CNTNAP2: variants seen among roughly 807,000 people sequenced by gnomAD.
CNTNAP2 encodes the protein contactin-associated protein-like 2.
A neutral mutation model predicts 155.2 loss-of-function variants in CNTNAP2; 98 were observed. The observed-to-expected ratio is 0.63, with a 90% CI of 0.54 to 0.75. The LOEUF (loss-of-function observed/expected upper bound fraction) is 0.75. Ranked by LOEUF, CNTNAP2 falls within the 30% of genes least tolerant of loss-of-function variation. The pLI, the probability that CNTNAP2 is intolerant of heterozygous loss-of-function variation, is 0.00. For synonymous variants in CNTNAP2, 651 were observed against 631.2 expected (o/e 1.03, Z -0.47); for missense variants, 1,727 against 1,688.1 (o/e 1.02, Z -0.40).
At chr7:146,882,812 C>A (rs758603693) in intron 3 of CNTNAP2, among the ~76,000 whole-genome samples, 1 of 152,070 alleles carries the variant, frequency 6.6e-6, no homozygotes, top group Non-Finnish European at 1.5e-5. Flanking sequence ...GAATGCGATA[C>A]CTTTTACAAT....
At chr7:147,806,009 A>G (rs113597530) in intron 13 of CNTNAP2, among the ~76,000 whole-genome samples, 77 of 152,342 alleles carry the variant, frequency 5.1e-4, no homozygotes, top group Middle Eastern at 3.4e-3. Flanking sequence ...GTAGGATTAC[A>G]TCAAGCTAAA....
chr7:146,804,348 A>T (rs1343984040), intron 2 of CNTNAP2, among the ~76,000 whole-genome samples: 1 of 152,190 alleles, frequency 6.6e-6, no homozygotes, highest in South Asian at 2.1e-4. Flanking sequence ...TTATTCTGTC[A>T]TCAGGATTCC....
chr7:146,712,517 A>C (rs1227817763), intron 1 of CNTNAP2, among the ~76,000 whole-genome samples: 1 of 150,948 alleles, frequency 6.6e-6, no homozygotes, highest in Non-Finnish European at 1.5e-5. Context: ...AAAGCAGTGA[A>C]AACAGTTGAA....
At chr7:147,530,249 G>A (rs1043834213) in intron 11 of CNTNAP2, among the ~76,000 whole-genome samples, 48 of 148,646 alleles carry the variant, frequency 3.2e-4, no homozygotes, top group African/African-American at 9.9e-4. Flanking sequence ...GCAGTGGCAC[G>A]ATCTCAGCTC....
intron 3 of CNTNAP2, among the ~76,000 whole-genome samples, chr7:146,959,753 A>G (rs1163555515): frequency 2.6e-5 from 4 of 151,856 alleles, no homozygotes; most frequent in Non-Finnish European, 2.9e-5. Context: ...AAGAATACGA[A>G]CTGCAATCAC....
At chr7:148,030,150 T>C (rs1288678983) in intron 15 of CNTNAP2, among the ~76,000 whole-genome samples, 12 of 152,194 alleles carry the variant, frequency 7.9e-5, no homozygotes. Context: ...CCCAGTTAAA[T>C]TACCAAGTGC....
chr7:146,991,018 T>C (rs1238623953), intron 3 of CNTNAP2, among the ~76,000 whole-genome samples: 1 of 152,070 alleles, frequency 6.6e-6, no homozygotes, highest in Non-Finnish European at 1.5e-5. Flanking sequence ...TTATATCCTA[T>C]AGGCAAATTT....
At chr7:147,321,732 T>C (rs2116821431) in intron 9 of CNTNAP2, among the ~76,000 whole-genome samples, 1 of 152,308 alleles carries the variant, frequency 6.6e-6, no homozygotes, top group East Asian at 1.9e-4. Context: ...CAGTTGACAA[T>C]ATAACCAAAT....
At chr7:146,188,657 A>G (rs544069953) in intron 1 of CNTNAP2, among the ~76,000 whole-genome samples, 26 of 152,190 alleles carry the variant, frequency 1.7e-4, no homozygotes, top group Non-Finnish European at 2.2e-4. Context: ...TTAATATGAG[A>G]CATAAAATTA....
chr7:147,093,701 A>G (rs1800463571), intron 4 of CNTNAP2, among the ~76,000 whole-genome samples: 1 of 152,128 alleles, frequency 6.6e-6, no homozygotes, highest in African/African-American at 2.4e-5. Context: ...GTCTTAATTC[A>G]TTTCAACATC....
intron 13 of CNTNAP2, among the ~76,000 whole-genome samples, chr7:147,747,662 G>A (rs944839637): frequency 6.6e-6 from 1 of 152,136 alleles, no homozygotes; most frequent in African/African-American, 2.4e-5. Context: ...AGTTTTTTGA[G>A]AAACTTCCAT....
At chr7:147,834,713 A>G (rs1798607247) in intron 13 of CNTNAP2, among the ~76,000 whole-genome samples, 1 of 152,138 alleles carries the variant, frequency 6.6e-6, no homozygotes, top group African/African-American at 2.4e-5. Context: ...AAAACCTAAC[A>G]TCACCAGTAC....
At chr7:147,508,134 CTGG>C (rs1798945945) in intron 11 of CNTNAP2, among the ~76,000 whole-genome samples, 1 of 152,120 alleles carries the variant, frequency 6.6e-6, no homozygotes, top group African/African-American at 2.4e-5. Flanking sequence ...ATTAAATGTC[CTGG>C]TGGACAGTGA....
At chr7:146,272,220 T>G (rs1800093649) in intron 1 of CNTNAP2, among the ~76,000 whole-genome samples, 1 of 152,094 alleles carries the variant, frequency 6.6e-6, no homozygotes, top group African/African-American at 2.4e-5. Context: ...AGAGAAATGC[T>G]GAGCAAAAGG....
At chr7:147,363,206 G>T (rs189829857) in intron 9 of CNTNAP2, among the ~76,000 whole-genome samples, 1 of 152,258 alleles carries the variant, frequency 6.6e-6, no homozygotes, top group African/African-American at 2.4e-5. Context: ...AAAAGAGAAG[G>T]AGACTAGAGC....
chr7:146,672,598 CT>C (rs905317384), intron 1 of CNTNAP2, among the ~76,000 whole-genome samples: 36 of 152,212 alleles, frequency 2.4e-4, no homozygotes, highest in African/African-American at 8.4e-4. Flanking sequence ...GGTTATCCTC[CT>C]TTTTGAAAAC....
chr7:148,047,703 T>A (rs1343676101), intron 15 of CNTNAP2, among the ~76,000 whole-genome samples: 2 of 152,246 alleles, frequency 1.3e-5, no homozygotes, highest in African/African-American at 4.8e-5. Flanking sequence ...CCAGCCTGTG[T>A]GTACACGTGT....
At chr7:146,184,483 G>A (rs564047941) in intron 1 of CNTNAP2, among the ~76,000 whole-genome samples, 5 of 152,140 alleles carry the variant, frequency 3.3e-5, no homozygotes, top group African/African-American at 1.2e-4. Context: ...AATTACAGTA[G>A]GGATTAATTA....
intron 21 of CNTNAP2, among the ~76,000 whole-genome samples, chr7:148,345,625 C>T (rs1798312744): frequency 6.6e-6 from 1 of 152,082 alleles, no homozygotes; most frequent in South Asian, 2.1e-4. Context: ...CCTCGTGATT[C>T]GCCCATCTCG....
Sources: gnomAD v4.1 joint callset for allele counts (sites outside exome capture counted in the v4.1 genomes callset) on GRCh38, gnomAD v4.1.1 for gene constraint, MANE v1.5 for transcripts, NCBI Gene and HGNC (gene_info 2026-07-23, HGNC 2026-07-21) for gene names.